The following NISCH variants were observed in gnomAD, a reference collection of about 807,000 sequenced individuals.
NISCH encodes the protein nischarin, also known as I-1 receptor candidate protein.
Under a neutral mutation model 138.4 loss-of-function variants are expected in NISCH, and 55 were observed. The ratio of observed to expected loss-of-function variants is 0.40; its 90% confidence interval spans 0.32 to 0.50. The LOEUF (loss-of-function observed/expected upper bound fraction) is 0.50. NISCH is among the 20% of genes least tolerant of loss of function. The pLI, the probability that NISCH is intolerant of heterozygous loss-of-function variation, is 0.71. For missense variants in NISCH, 1,643 were observed against 2,005.5 expected (o/e 0.82, Z 3.45); for synonymous variants, 860 against 861.5 (o/e 1.00, Z 0.03).
chr3:52,474,287 T>A (rs1460340068), intron 7 of NISCH, among the ~76,000 whole-genome samples: 4 of 148,036 alleles, frequency 2.7e-5, no homozygotes, highest in African/African-American at 1.0e-4. Flanking sequence ...CTAAGTTTTG[T>A]TTTTTGTTGT....
chr3:52,457,809 C>G lies in NISCH; in HGVS notation c.94-34C>G, dbSNP rs1191415236. The stretch of plus-strand genomic sequence containing the variant: ...GAGGAGACTCCTTGTTGCTGGGCTC[C>G]CTTGCCACAAGGGCTGTTGGTTTCC... On this transcript the variant is annotated intron_variant, in intron 1 of 20. Transcript: ENST00000345716. 3.3e-6 allele frequency: 5 copies of G among 1,516,414 alleles called. No homozygotes were observed. The Admixed American group carries it at 6.7e-5, about 20-fold the overall frequency. The allele number at this position is 1,516,414 out of a possible 1,614,324, so 93.9% of individuals were successfully genotyped here.
At chr3:52,482,284 C>T (rs941281345) in intron 13 of NISCH, among the ~76,000 whole-genome samples, 4 of 152,152 alleles carry the variant, frequency 2.6e-5, no homozygotes, top group Non-Finnish European at 1.5e-5. Context: ...AGCCTGCTTG[C>T]GAAGGAACTG....
intron 18 of NISCH, 64 bp from the exon 19 acceptor site, chr3:52,490,640 TG>T: frequency 6.8e-6 from 11 of 1,608,528 alleles, no homozygotes; most frequent in Non-Finnish European, 9.3e-6. Flanking sequence ...CTGGATGTGC[TG>T]CACACCTAGG....
Position 52,492,741 on chromosome 3 carries a change from G to A in NISCH, c.*259G>A, listed in dbSNP as rs989260214. 15 of 517,642 alleles carry A rather than the reference G, an allele frequency of 2.9e-5. No individual in the cohort carries two copies. The highest frequency in any genetic ancestry group is 1.7e-4 in the Admixed American group (5 of 28,918). 32.1% of individuals were successfully genotyped at this position (517,642 alleles called of 1,614,324 possible). On this transcript the variant is annotated 3_prime_UTR_variant, in exon 21 of 21. Coordinates refer to ENST00000345716, the MANE Select transcript of NISCH (RefSeq NM_007184.4). ...CGTGCACACCAGTGTCGTGTCTGCT[G>A]TTGTGGGACCGTTGTTAACACGTGA...
At chr3:52,489,909 C>A in intron 17 of NISCH, 166 bp from the exon 18 acceptor site, 1 of 1,185,670 alleles carries the variant, frequency 8.4e-7, no homozygotes, top group Non-Finnish European at 1.2e-6. Flanking sequence ...AGACCTCCCA[C>A]CAACAGCCAT....
rs752887726 is a variant in NISCH, at chr3:52,488,140, G to A, written c.2648G>A (p.Ser883Asn). The A allele has an allele frequency of 2.5e-6, 4 of 1,613,272 alleles. No homozygotes were observed. The highest frequency in any genetic ancestry group is 3.4e-6 in the Non-Finnish European group (4 of 1,179,988). Residue 883 changes from serine (S) to asparagine (N), a missense_variant, in exon 16 of 21, where the codon AGC becomes AAC. Ser to Asn is a conservative substitution (Grantham distance 46). Coordinates refer to ENST00000345716, the MANE Select transcript of NISCH (RefSeq NM_007184.4). ...TACTCAGGCAACATCGAGTGGGCCA[G>A]CTGCACACTCTGTTCAGCCGTGCGG... is the stretch of plus-strand genomic sequence containing the variant. Reference protein sequence around the residue: ...GDYSGNIEWASCTLCSAVRRS... With the variant: ...GDYSGNIEWANCTLCSAVRRS...
chr3:52,457,748 A>C (rs1027761371), intron 1 of NISCH, 95 bp from the exon 2 acceptor site: 29 of 942,570 alleles, frequency 3.1e-5, no homozygotes, highest in Non-Finnish European at 4.2e-5. Context: ...GATAAAAGAT[A>C]ATTGGGAAAG....
rs772757959 is a variant in NISCH at position 52,492,361 on chromosome 3, G to A, written c.4394G>A (p.Arg1465His). The A allele has an allele frequency of 1.4e-5, 23 of 1,613,244 alleles. No individual in the cohort carries two copies. The highest frequency in any genetic ancestry group is 1.8e-5 in the Non-Finnish European group (21 of 1,180,040). ...PGGPARASQG[R>H]EVQWQVFVPS... ...GGCCCGGCTAGAGCCAGCCAGGGCC[G>A]TGAAGTCCAGTGGCAGGTGTTTGTC... The change falls in exon 21 of 21, where the codon CGT becomes CAT. Residue 1465 changes from arginine to histidine, a missense_variant. Arg to His is a conservative substitution (Grantham distance 29). Coordinates refer to ENST00000345716, the MANE Select transcript of NISCH (RefSeq NM_007184.4).
At position 52,471,989 on chromosome 3, in the gene NISCH, G is replaced by T; in HGVS notation, c.573+12G>T. On this transcript the variant is annotated intron_variant, in intron 5 of 20. Coordinates refer to ENST00000345716, the MANE Select transcript of NISCH (RefSeq NM_007184.4). ...TTAAGTACCTTAAGGTAAAGCTGCA[G>T]CAGCTCAGTCATGGAGAGCCCCGCA... The T allele has an allele frequency of 5.1e-6, 8 of 1,568,494 alleles. No individual in the cohort carries two copies. The highest frequency in any genetic ancestry group is 6.9e-6 in the Non-Finnish European group (8 of 1,153,648).
chr3:52,471,742 G>GAT (rs3065763), intron 4 of NISCH, 72 bp from the exon 5 acceptor site: 1,492,783 of 1,567,090 alleles, frequency 0.95, 711,346 homozygotes, highest in African/African-American at 0.99. Context: ...TGACAGAAAA[G>GAT]GTGGAAATCC....
chr3:52,479,675 A>C (rs1044771075), intron 11 of NISCH, 74 bp from the exon 12 acceptor site: 9 of 1,061,360 alleles, frequency 8.5e-6, no homozygotes, highest in Non-Finnish European at 1.3e-5. Flanking sequence ...CCCCATGCTG[A>C]TAGCCATCAC....
intron 6 of NISCH, 64 bp downstream of exon 6, chr3:52,472,462 T>C (rs565201815): frequency 3.5e-6 from 5 of 1,421,026 alleles, no homozygotes; most frequent in Non-Finnish European, 5.0e-6. Flanking sequence ...GTGTTTGTGA[T>C]GTTGGGTGTC....
At chr3:52,478,399 C>T (rs755886830) in intron 10 of NISCH, 50 bp from the exon 11 acceptor site, 35 of 1,611,370 alleles carry the variant, frequency 2.2e-5, no homozygotes, top group Non-Finnish European at 2.7e-5. Context: ...TGGCGTGTTG[C>T]TGAAGTGTTA....
intron 16 of NISCH, among the ~76,000 whole-genome samples, 155 bp downstream of exon 16, chr3:52,488,760 C>T (rs1707483022): frequency 6.7e-6 from 1 of 149,542 alleles, no homozygotes; most frequent in Non-Finnish European, 1.5e-5. Flanking sequence ...CTCTACATCA[C>T]CACCCCAGGT....
chr3:52,481,903 TG>T, intron 13 of NISCH: 1 of 985,412 alleles, frequency 1.0e-6, no homozygotes, highest in Non-Finnish European at 1.2e-6. Context: ...AAAACTGCAG[TG>T]GATGTCTTTG....
At chr3:52,465,254 C>G (rs993308420) in intron 3 of NISCH, among the ~76,000 whole-genome samples, 6 of 152,158 alleles carry the variant, frequency 3.9e-5, no homozygotes, top group African/African-American at 1.2e-4. Context: ...CTCAACCCCC[C>G]AAGTAGCTGG....
In NISCH at chr3:52,491,530, C is replaced by T; in HGVS notation, c.3904+17C>T. On this transcript the variant is annotated intron_variant, in intron 20 of 20. Coordinates refer to ENST00000345716, the MANE Select transcript of NISCH (RefSeq NM_007184.4). Reference sequence around the variant, plus strand: ...AGACCACAGGTACCCCTGTCTAGCTCAGGCTGCAGACAGGCTGCCTGGACA... The same window carrying T: ...AGACCACAGGTACCCCTGTCTAGCTTAGGCTGCAGACAGGCTGCCTGGACA... The T allele has an allele frequency of 6.2e-7, 1 of 1,601,834 alleles. No homozygotes were observed. The highest frequency in any genetic ancestry group is 8.5e-7 in the Non-Finnish European group (1 of 1,173,100).
intron 1 of NISCH, among the ~76,000 whole-genome samples, chr3:52,456,201 G>C (rs1706463691): frequency 6.6e-6 from 1 of 152,230 alleles, no homozygotes; most frequent in South Asian, 2.1e-4. Flanking sequence ...TCAGGACCCT[G>C]ATCTGGGGAG....
chr3:52,481,491 T>G, intron 13 of NISCH: 1 of 985,462 alleles, frequency 1.0e-6, no homozygotes, highest in Non-Finnish European at 1.2e-6. Context: ...GGAGGTTATA[T>G]CACGGTGAGA....
Sources: gnomAD v4.1 joint callset for allele counts (sites outside exome capture counted in the v4.1 genomes callset) on GRCh38, gnomAD v4.1.1 for gene constraint, MANE v1.5 for transcripts, NCBI Gene and HGNC (gene_info 2026-07-23, HGNC 2026-07-21) for gene names.